The following NAA25 variants were observed in gnomAD, a reference collection of about 807,000 sequenced individuals.
NAA25 encodes N-alpha-acetyltransferase 25, NatB auxiliary subunit, also known as N-terminal acetyltransferase B complex subunit NAA25.
In NAA25, 30 loss-of-function variants were observed where a neutral mutation model predicts 132.5. That is an observed-to-expected ratio of 0.23 (90% CI 0.17 to 0.31). The LOEUF is 0.31. Ranked by LOEUF, NAA25 falls within the 10% of genes least tolerant of loss-of-function variation. NAA25 has a pLI of 1.00. For missense variants in NAA25, 771 were observed against 1,150.4 expected (o/e 0.67, Z 4.77); for synonymous variants, 359 against 401.9 (o/e 0.89, Z 1.28).
intron 18 of NAA25, among the ~76,000 whole-genome samples, 168 bp downstream of exon 18, chr12:112,043,457 G>A (rs1453076060): frequency 2.0e-5 from 3 of 152,122 alleles, no homozygotes; most frequent in Non-Finnish European, 2.9e-5. Flanking sequence ...GGATATTGAG[G>A]AAGCCTCTGC....
rs774375183 is a variant in NAA25 at position 112,029,578 on chromosome 12, C to T, written c.2872G>A (p.Glu958Lys). The T allele has an allele frequency of 1.2e-6, 2 of 1,613,784 alleles. No homozygotes were observed. The highest frequency in any genetic ancestry group is 1.1e-5 in the South Asian group (1 of 91,062). The change falls in exon 24 of 24, where the codon GAG (glutamate) becomes AAG (lysine). Residue 958 changes from glutamate (E) to lysine (K), a missense_variant. Physicochemically the swap from Glu to Lys is moderately conservative, Grantham distance 56. Coordinates refer to ENST00000261745, the MANE Select transcript of NAA25 (RefSeq NM_024953.4). ...GTCTCAAGTCTTTTTTTCAGCAGCT[C>T]CCCCATTTCCAGAAGTGAGTGCAGA... ...SYLHSLLEMG[E>K]LLKKRLETTK... is the part of the protein sequence containing the mutation.
At chr12:112,059,675 T>C (rs1184438211) in intron 13 of NAA25, among the ~76,000 whole-genome samples, 2 of 152,260 alleles carry the variant, frequency 1.3e-5, no homozygotes, top group Admixed American at 6.5e-5. Flanking sequence ...GTCAGTTTCA[T>C]TGTATTTTAA....
At chr12:112,052,820 C>A (rs964208616) in intron 15 of NAA25, among the ~76,000 whole-genome samples, 1 of 152,204 alleles carries the variant, frequency 6.6e-6, no homozygotes, top group Non-Finnish European at 1.5e-5. Flanking sequence ...CAACTTCAGG[C>A]GATGAGGCTT....
intron 3 of NAA25, among the ~76,000 whole-genome samples, chr12:112,088,432 T>C (rs1164274317): frequency 6.8e-6 from 1 of 146,552 alleles, no homozygotes; most frequent in Admixed American, 7.0e-5. Context: ...GCTCAGGTAA[T>C]TCTCCGACCT....
intron 17 of NAA25, among the ~76,000 whole-genome samples, chr12:112,045,411 C>T (rs562254042): frequency 5.5e-4 from 82 of 149,692 alleles, no homozygotes; most frequent in African/African-American, 1.9e-3. Context: ...TGCTTGAACC[C>T]GGGAGGCGGA....
chr12:112,068,961 A>T lies in NAA25; in HGVS notation c.1068T>A (p.Phe356Leu). ...GDPEELMFQY[F>L]KKFGDKPCCF... is the part of the protein sequence containing the mutation. Reference sequence around the variant, plus strand: ...AACAAGGTTTATCGCCAAACTTTTTAAAATACTGGAACATTAATTCTTCTG... The same window carrying T: ...AACAAGGTTTATCGCCAAACTTTTTTAAATACTGGAACATTAATTCTTCTG... The change falls in exon 11 of 24, where the codon TTT becomes TTA. Residue 356 changes from phenylalanine to leucine, a missense_variant. By Grantham distance (22) the Phe-to-Leu change is conservative. This residue lies in a region of NAA25 where 417 missense variants were observed against 733.8 expected (regional missense o/e 0.57). Transcript: ENST00000261745. 1 of 1,612,390 alleles carries T rather than the reference A, an allele frequency of 6.2e-7. No individual in the cohort carries two copies. The highest frequency in any genetic ancestry group is 8.5e-7 in the Non-Finnish European group (1 of 1,178,570).
At position 112,029,501 on chromosome 12, in the gene NAA25, G is replaced by A; in HGVS notation, c.*30C>T. ...GAAGATGGTGTCATATTCTGTTGCA[G>A]AGTCATCAGTGCCCATGATAGATAC... On this transcript the variant is annotated 3_prime_UTR_variant, in exon 24 of 24. Transcript: ENST00000261745. 7 of 1,613,538 alleles carry A rather than the reference G, an allele frequency of 4.3e-6. No individual in the cohort carries two copies. Among genetic ancestry groups the A allele is most frequent in the Non-Finnish European group, 5.1e-6 (6 of 1,179,758 alleles).
At chr12:112,077,598 A>C (rs535256742) in intron 7 of NAA25, among the ~76,000 whole-genome samples, 155 of 152,252 alleles carry the variant, frequency 1.0e-3, no homozygotes, top group African/African-American at 3.5e-3. Context: ...AGCCTGGGCA[A>C]AACAGTGAGA....
intron 3 of NAA25, among the ~76,000 whole-genome samples, chr12:112,088,389 C>T (rs1356578550): frequency 5.1e-5 from 7 of 135,930 alleles, no homozygotes; most frequent in Non-Finnish European, 1.1e-4. Context: ...TGCAATGGCA[C>T]AATCACGGCT....
At chr12:112,077,192 G>GCCAC (rs1478856456) in intron 7 of NAA25, among the ~76,000 whole-genome samples, 1 of 151,430 alleles carries the variant, frequency 6.6e-6, no homozygotes, top group African/African-American at 2.4e-5. Context: ...AATAATGGAG[G>GCCAC]CCAGGCGTGG....
At position 112,107,175 on chromosome 12, in the gene NAA25, G is replaced by A. The variant is rs142540951; in HGVS notation, c.58+1541C>T. Among the ~76,000 whole-genome samples, 26 of 152,106 alleles carry A rather than the reference G, an allele frequency of 1.7e-4. 1 individual carries two copies. The highest frequency in any genetic ancestry group is 5.5e-4 in the African/African-American group (23 of 41,490). On this transcript the variant is annotated intron_variant, in intron 1 of 23. Transcript: ENST00000261745. ...CTCAGGAGGCTGAGGCAGGAGAATCGCTTGAACCTGGGAGGCAGAGGGTGC... is the reference window on the plus strand; with the variant it reads ...CTCAGGAGGCTGAGGCAGGAGAATCACTTGAACCTGGGAGGCAGAGGGTGC...
chr12:112,041,827 T>A (rs2078304553), intron 20 of NAA25, among the ~76,000 whole-genome samples: 1 of 152,208 alleles, frequency 6.6e-6, no homozygotes. Flanking sequence ...AAAGCATGGA[T>A]TACACCATTT....
intron 13 of NAA25, among the ~76,000 whole-genome samples, chr12:112,056,305 G>C (rs1407648972): frequency 6.6e-6 from 1 of 152,070 alleles, no homozygotes; most frequent in Non-Finnish European, 1.5e-5. Flanking sequence ...CTGCACTCCA[G>C]CCTGGGACGG....
intron 1 of NAA25, among the ~76,000 whole-genome samples, chr12:112,094,085 C>T (rs1385806142): frequency 6.6e-6 from 1 of 151,114 alleles, no homozygotes; most frequent in African/African-American, 2.4e-5. Context: ...CTAAAAAATA[C>T]AAAAAATTAG....
At chr12:112,052,770 C>T (rs2078485909) in intron 15 of NAA25, among the ~76,000 whole-genome samples, 1 of 152,222 alleles carries the variant, frequency 6.6e-6, no homozygotes, top group Non-Finnish European at 1.5e-5. Flanking sequence ...TGCTGGTAGA[C>T]CATGAGAATG....
intron 3 of NAA25, chr12:112,090,283 A>G (rs1399697617): frequency 6.5e-6 from 1 of 152,916 alleles, no homozygotes. Context: ...AATTAACAAT[A>G]AAAACCTTTA....
intron 3 of NAA25, among the ~76,000 whole-genome samples, chr12:112,089,007 T>A (rs982790962): frequency 1.1e-4 from 16 of 152,250 alleles, no homozygotes; most frequent in African/African-American, 2.2e-4. Context: ...TGATTTTTTT[T>A]AAAACACTGG....
At chr12:112,084,544 A>C (rs1340438989) in intron 4 of NAA25, among the ~76,000 whole-genome samples, 2 of 152,202 alleles carry the variant, frequency 1.3e-5, no homozygotes, top group Non-Finnish European at 2.9e-5. Flanking sequence ...TAATCCCAGC[A>C]CTTTGGGAGG....
intron 21 of NAA25, chr12:112,039,593 C>T: frequency 3.7e-6 from 1 of 267,496 alleles, no homozygotes; most frequent in Non-Finnish European, 7.0e-6. Context: ...ATCCATCCTC[C>T]ACTTCACTCC....
Sources: gnomAD v4.1 joint callset for allele counts (sites outside exome capture counted in the v4.1 genomes callset) on GRCh38, gnomAD v4.1.1 for gene constraint, gnomAD v4.1.1 regional missense constraint, MANE v1.5 for transcripts, NCBI Gene and HGNC (gene_info 2026-07-23, HGNC 2026-07-21) for gene names.